AMOTL2: variants seen among roughly 807,000 people sequenced by gnomAD.
AMOTL2 encodes angiomotin-like protein 2.
AMOTL2 carries 33 observed loss-of-function variants against 78.4 expected under a neutral mutation model. The ratio of observed to expected loss-of-function variants is 0.42; its 90% CI spans 0.32 to 0.56. The LOEUF is 0.56. AMOTL2 is among the 20% of genes least tolerant of loss of function. The pLI, the probability that AMOTL2 is intolerant of heterozygous loss-of-function variation, is 0.12. For synonymous variants in AMOTL2, 422 were observed against 428.8 expected (o/e 0.98, Z 0.20); for missense variants, 983 against 1,030.1 (o/e 0.95, Z 0.63).
At chr3:134,359,571 T>A in intron 7 of AMOTL2, 68 bp from the exon 8 acceptor site, 1 of 1,344,956 alleles carries the variant, frequency 7.4e-7, no homozygotes, top group Non-Finnish European at 1.0e-6. Context: ...CCTTCCTGCC[T>A]CATAGGAGTT....
At chr3:134,365,958 C>A (rs1337338295) in intron 4 of AMOTL2, 49 bp from the exon 5 acceptor site, 3 of 1,585,738 alleles carry the variant, frequency 1.9e-6, no homozygotes, top group Non-Finnish European at 2.6e-6. Context: ...AAGCTGCCAG[C>A]TTGGGATTTT....
intron 9 of AMOTL2, 106 bp from the exon 10 acceptor site, chr3:134,357,869 C>G: frequency 1.2e-5 from 14 of 1,195,194 alleles, no homozygotes; most frequent in Non-Finnish European, 1.7e-5. Context: ...CAACTTTTCC[C>G]ACCTCTGCTG....
rs2017169977 is a variant in AMOTL2 at position 134,358,429 on chromosome 3, T to A, written c.2284+111A>T. The A allele has an allele frequency of 2.3e-6, 3 of 1,300,302 alleles. No individual in the cohort carries two copies. The African/African-American group carries it at 4.5e-5, about 19-fold the overall frequency. The allele number at this position is 1,300,302 out of a possible 1,614,324, so 80.5% of individuals were successfully genotyped here. A position where few individuals can be genotyped will look rare whatever the true frequency, so the allele number is the denominator to read the frequency against. On this transcript the variant is annotated intron_variant, in intron 9 of 9. Coordinates refer to ENST00000249883, the MANE Select transcript of AMOTL2 (RefSeq NM_016201.4). ...TGGCTATGCACGGCTCCCCATGGAGTGCGGGCAATGACCCGGAGGGGGTCT... is the reference window on the plus strand; with the variant it reads ...TGGCTATGCACGGCTCCCCATGGAGAGCGGGCAATGACCCGGAGGGGGTCT...
rs760111922 is a variant in AMOTL2, at chr3:134,358,530, G to A, written c.2284+10C>T. ...CTACCTAGCACAGAAGTGGGGTCAG[G>A]AGGACTTACCCAGAGAGGCTGCTCT... On this transcript the variant is annotated intron_variant, in intron 9 of 9. Transcript: ENST00000249883. 2 of 1,610,338 alleles carry A rather than the reference G, an allele frequency of 1.2e-6. No homozygotes were observed. The highest frequency in any genetic ancestry group is 1.1e-5 in the South Asian group (1 of 90,834).
chr3:134,361,190 G>T (rs967576739), intron 6 of AMOTL2, among the ~76,000 whole-genome samples: 10 of 151,996 alleles, frequency 6.6e-5, no homozygotes, highest in Non-Finnish European at 1.2e-4. Flanking sequence ...AAAGCTCGCA[G>T]GCCTTCTATA....
At chr3:134,359,182 G>A (rs1327107484) in intron 8 of AMOTL2, 101 bp downstream of exon 8, 2 of 1,322,026 alleles carry the variant, frequency 1.5e-6, no homozygotes. Context: ...AGGAAGCCCT[G>A]GCTCCTATAG....
intron 7 of AMOTL2, among the ~76,000 whole-genome samples, 194 bp downstream of exon 7, chr3:134,359,912 G>A (rs1186209772): frequency 6.6e-6 from 1 of 152,214 alleles, no homozygotes; most frequent in African/African-American, 2.4e-5. Flanking sequence ...GGCAGACCAA[G>A]GACTCGGTAT....
chr3:134,373,703 G>C lies in AMOTL2; in HGVS notation c.-62+639C>G, dbSNP rs969887628. The C allele has an allele frequency of 1.8e-5, 18 of 985,316 alleles. No homozygotes were observed. The African/African-American group carries it at 2.8e-4, about 15-fold the overall frequency. The allele number at this position is 985,316 out of a possible 1,614,324, so 61.0% of individuals were successfully genotyped here. The stretch of plus-strand genomic sequence containing the variant: ...GGGCGGACCTGGAGCACCGGTGGCC[G>C]CTGGTACGCCTGGGGCGAGCCGGTG... On this transcript the variant is annotated intron_variant, in intron 1 of 9. Transcript: ENST00000249883.
chr3:134,358,475 T>C lies in AMOTL2; in HGVS notation c.2284+65A>G, dbSNP rs1430304410. 2.6e-6 allele frequency: 4 copies of C among 1,538,386 alleles called. No homozygotes were observed. The African/African-American group carries it at 5.5e-5, about 21-fold the overall frequency. On this transcript the variant is annotated intron_variant, in intron 9 of 9. Transcript: ENST00000249883. Reference sequence around the variant, plus strand: ...GGTCTGGGAAGAAAAGGCCTTGTGTTCCAGTTCACACCCCAGTGCCCCCTC... The same window carrying C: ...GGTCTGGGAAGAAAAGGCCTTGTGTCCCAGTTCACACCCCAGTGCCCCCTC...
chr3:134,374,450 C>G (rs981578328), upstream of AMOTL2: 12 of 985,542 alleles, frequency 1.2e-5, no homozygotes, highest in East Asian at 5.7e-4. Context: ...GACGCTCTGG[C>G]TGTTCGCGCC....
At position 134,370,972 on chromosome 3, in the gene AMOTL2, G is replaced by A. The variant is rs148146430; in HGVS notation, c.462C>T (p.His154=). Residue 154 remains histidine, a synonymous_variant, in exon 2 of 10, where the codon CAC becomes CAT. Coordinates refer to ENST00000249883, the MANE Select transcript of AMOTL2 (RefSeq NM_016201.4). The stretch of plus-strand genomic sequence containing the variant: ...GGAGCCGTTCACTCAACGAGCGCAC[G>A]TGCCCATGCCTCAGCTCCCGCAGGG... ...DEALRELRHG[H]VRSLSERLLQ... The A allele has an allele frequency of 2.7e-5, 43 of 1,607,412 alleles. No homozygotes were observed. The highest frequency in any genetic ancestry group is 1.6e-4 in the Middle Eastern group (1 of 6,074).
chr3:134,363,428 C>T (rs913502824), intron 5 of AMOTL2, among the ~76,000 whole-genome samples: 1 of 152,212 alleles, frequency 6.6e-6, no homozygotes, highest in African/African-American at 2.4e-5. Context: ...CAGGGAGGAC[C>T]CTCCCCTAGT....
chr3:134,368,692 G>A (rs2017716241), intron 2 of AMOTL2, among the ~76,000 whole-genome samples: 2 of 152,158 alleles, frequency 1.3e-5, no homozygotes, highest in Non-Finnish European at 2.9e-5. Flanking sequence ...TCTTCTAGTA[G>A]GAGCCTCAGT....
intron 8 of AMOTL2, 79 bp downstream of exon 8, chr3:134,359,204 G>T (rs1698614157): frequency 1.3e-6 from 2 of 1,509,446 alleles, no homozygotes; most frequent in African/African-American, 2.8e-5. Flanking sequence ...CTCAGTTCTG[G>T]GAGGAAAGGT....
chr3:134,373,320 GA>G (rs2107750902), intron 1 of AMOTL2, among the ~76,000 whole-genome samples: 1 of 152,224 alleles, frequency 6.6e-6, no homozygotes, highest in South Asian at 2.1e-4. Context: ...GAAGGCAGGG[GA>G]GCGGCAGGAA....
Position 134,366,430 on chromosome 3 carries a change from G to A in AMOTL2, c.1042-3C>T. 6.2e-7 allele frequency: 1 copy of A among 1,611,580 alleles called. No individual in the cohort carries two copies. The stretch of plus-strand genomic sequence containing the variant: ...AGCCGCTGGATTTCGCTTTCCAGCT[G>A]CAAGAGTCAGACAGCAGAGCTGAAT... On this transcript the variant is annotated splice_polypyrimidine_tract_variant and splice_region_variant and intron_variant, in intron 3 of 9. Transcript: ENST00000249883.
At chr3:134,363,776 T>C (rs749918559) in intron 5 of AMOTL2, among the ~76,000 whole-genome samples, 6 of 152,106 alleles carry the variant, frequency 3.9e-5, no homozygotes, top group African/African-American at 1.4e-4. Flanking sequence ...CCCTTTGCAA[T>C]AGCTACTAGG....
chr3:134,374,895 C>A, upstream of AMOTL2: 1 of 1,267,984 alleles, frequency 7.9e-7, no homozygotes, highest in Non-Finnish European at 1.0e-6. Context: ...CGGGAGGGGA[C>A]TCCGGCTGTG....
In AMOTL2 at chr3:134,367,471, C is replaced by T. The variant is rs374763793; in HGVS notation, c.1041+26G>A. 6 of 1,607,136 alleles carry T rather than the reference C, an allele frequency of 3.7e-6. No homozygotes were observed. The South Asian group carries it at 5.5e-5, about 15-fold the overall frequency. On this transcript the variant is annotated intron_variant, in intron 3 of 9. Transcript: ENST00000249883. ...CCCTCGGGGTCTCTTTCTGGTCTGC[C>T]CTTCTGAAGCCCCAGCAGGGCCTAC...
Sources: gnomAD v4.1 joint callset for allele counts (sites outside exome capture counted in the v4.1 genomes callset) on GRCh38, gnomAD v4.1.1 for gene constraint, MANE v1.5 for transcripts, NCBI Gene and HGNC (gene_info 2026-07-23, HGNC 2026-07-21) for gene names.